The following LHFPL3 variants were observed in gnomAD, a reference collection of about 807,000 sequenced individuals.
LHFPL3 encodes LHFPL tetraspan subfamily member 3 protein.
In LHFPL3, 5 loss-of-function variants were observed where a neutral mutation model predicts 19.3. That is an observed-to-expected ratio of 0.26 (90% CI 0.14 to 0.54). LHFPL3 has a LOEUF of 0.54. Among genes scored for constraint, LHFPL3 ranks in the 20% least tolerant of loss-of-function variants. The pLI, the probability that LHFPL3 is intolerant of heterozygous loss-of-function variation, is 0.94. For synonymous variants in LHFPL3, 133 were observed against 126.2 expected, an observed-to-expected ratio of 1.05 and a Z score of -0.36; for missense variants, 249 against 307.4, an observed-to-expected ratio of 0.81 and a Z score of 1.42.
intron 1 of LHFPL3, among the ~76,000 whole-genome samples, chr7:104,484,118 TA>T (rs56173060): frequency 0.64 from 96,933 of 151,934 alleles, 31,465 homozygotes; most frequent in Middle Eastern, 0.72. Context: ...TTTGGAGACT[TA>T]TTACAATTCT....
intron 1 of LHFPL3, among the ~76,000 whole-genome samples, chr7:104,407,093 G>A (rs1442858382): frequency 6.6e-6 from 1 of 152,132 alleles, no homozygotes; most frequent in Non-Finnish European, 1.5e-5. Flanking sequence ...TTGAAGTGAA[G>A]ATTCAGTTAC....
chr7:104,684,834 G>A (rs1289756960), intron 1 of LHFPL3, among the ~76,000 whole-genome samples: 1 of 152,212 alleles, frequency 6.6e-6, no homozygotes. Flanking sequence ...CCACTGCTTA[G>A]ACAATCTTTA....
At chr7:104,770,710 C>A (rs1219039094) in intron 2 of LHFPL3, among the ~76,000 whole-genome samples, 7 of 152,172 alleles carry the variant, frequency 4.6e-5, no homozygotes, top group Admixed American at 4.6e-4. Flanking sequence ...AAAAGGAAAT[C>A]TCAGAATCCT....
intron 2 of LHFPL3, among the ~76,000 whole-genome samples, chr7:104,883,669 G>A (rs954026315): frequency 6.6e-6 from 1 of 152,206 alleles, no homozygotes; most frequent in South Asian, 2.1e-4. Flanking sequence ...GAAGCTGAGG[G>A]ACGTAGCACT....
chr7:104,709,165 C>A lies in LHFPL3; in HGVS notation c.446-27510C>A, dbSNP rs1020058735. Among the ~76,000 whole-genome samples, 3 of 151,750 alleles carry A rather than the reference C, an allele frequency of 2.0e-5. No homozygotes were observed. In the East Asian group the frequency reaches 5.8e-4, roughly 29 times the overall value. ...TGCTGCCAGTTATTTTTAGGGATGT[C>A]ATTTTTTTTTATTACTATCATAATT... On this transcript the variant is annotated intron_variant, in intron 1 of 2. Transcript: ENST00000424859.
At chr7:104,373,072 A>G (rs1332328588) in intron 1 of LHFPL3, among the ~76,000 whole-genome samples, 1 of 151,846 alleles carries the variant, frequency 6.6e-6, no homozygotes, top group Non-Finnish European at 1.5e-5. Context: ...AGAGATTCAT[A>G]ACACATATTA....
At chr7:104,623,672 A>C (rs186110609) in intron 1 of LHFPL3, among the ~76,000 whole-genome samples, 2 of 152,188 alleles carry the variant, frequency 1.3e-5, no homozygotes. Flanking sequence ...CAAATTTTCA[A>C]ACTTTTTCAA....
chr7:104,898,005 C>CTTTTTTTT (rs1562829485), intron 2 of LHFPL3, among the ~76,000 whole-genome samples: 2 of 71,294 alleles, frequency 2.8e-5, no homozygotes, highest in African/African-American at 5.9e-5. Flanking sequence ...AAATGTCACC[C>CTTTTTTTT]CTTTTTTTTT....
intron 1 of LHFPL3, among the ~76,000 whole-genome samples, chr7:104,608,422 C>A (rs1194232128): frequency 6.8e-6 from 1 of 146,198 alleles, no homozygotes; most frequent in East Asian, 2.0e-4. Context: ...CGCATGTTCT[C>A]ACTCATAGGT....
chr7:104,659,258 C>T (rs963897088), intron 1 of LHFPL3, among the ~76,000 whole-genome samples: 2 of 152,220 alleles, frequency 1.3e-5, no homozygotes, highest in Non-Finnish European at 2.9e-5. Context: ...ATGGCTAGTT[C>T]TGCACCTGTC....
intron 1 of LHFPL3, among the ~76,000 whole-genome samples, chr7:104,433,906 C>A (rs942306781): frequency 6.6e-6 from 1 of 152,112 alleles, no homozygotes; most frequent in Non-Finnish European, 1.5e-5. Context: ...AGGAGATGCT[C>A]AATAACATTG....
At chr7:104,615,568 G>A (rs1791316302) in intron 1 of LHFPL3, among the ~76,000 whole-genome samples, 1 of 152,142 alleles carries the variant, frequency 6.6e-6, no homozygotes, top group Non-Finnish European at 1.5e-5. Context: ...TACATGTGCA[G>A]AACGTGCAGG....
rs1352116113 is a variant in LHFPL3, at chr7:104,669,210, C to T, written c.446-67465C>T. On this transcript the variant is annotated intron_variant, in intron 1 of 2. Transcript: ENST00000424859. ...ATGCTTGGGTGAAGCGAAGTTCTAACCCTCCTGCTCGATCTCAGAGCTCAG... is the reference window on the plus strand; with the variant it reads ...ATGCTTGGGTGAAGCGAAGTTCTAATCCTCCTGCTCGATCTCAGAGCTCAG... The T allele has an allele frequency of 1.9e-5, 30 of 1,613,852 alleles. No homozygotes were observed. In the South Asian group the frequency reaches 3.1e-4, roughly 17 times the overall value.
At chr7:104,342,643 T>C (rs1435446703) in intron 1 of LHFPL3, among the ~76,000 whole-genome samples, 1 of 152,200 alleles carries the variant, frequency 6.6e-6, no homozygotes, top group African/African-American at 2.4e-5. Flanking sequence ...AGAAAGTTCT[T>C]TAAAGGAAAA....
At chr7:104,664,744 C>T (rs1200086239) in intron 1 of LHFPL3, among the ~76,000 whole-genome samples, 2 of 152,240 alleles carry the variant, frequency 1.3e-5, no homozygotes, top group Non-Finnish European at 2.9e-5. Context: ...TCAGAATCTT[C>T]TGTCTGACAT....
chr7:104,362,945 C>T (rs1425289873), intron 1 of LHFPL3, among the ~76,000 whole-genome samples: 1 of 152,058 alleles, frequency 6.6e-6, no homozygotes, highest in Non-Finnish European at 1.5e-5. Flanking sequence ...AATGCAGGGT[C>T]TGAAAAAAAT....
In LHFPL3 at chr7:104,399,920, A is replaced by G. The variant is rs1231326122; in HGVS notation, c.445+70696A>G. 6.6e-6 allele frequency among the ~76,000 whole-genome samples: 1 copy of G among 151,354 alleles called. No homozygotes were observed. The highest frequency in any genetic ancestry group is 2.0e-4 in the East Asian group (1 of 5,114). ...CGAGTTTGAGACCAGCCTGGCCAAC[A>G]TGGTTAAACCCTGTCTCTACTAAAA... On this transcript the variant is annotated intron_variant, in intron 1 of 2. Transcript: ENST00000424859. This position sits in a 1 kb window ranked among gnomAD's most constrained non-coding sequence, Gnocchi z 4.4.
chr7:104,460,235 T>G (rs1243808912), intron 1 of LHFPL3, among the ~76,000 whole-genome samples: 2 of 152,238 alleles, frequency 1.3e-5, no homozygotes, highest in African/African-American at 4.8e-5. Flanking sequence ...CACATTTTCT[T>G]TATCCATATG....
intron 2 of LHFPL3, among the ~76,000 whole-genome samples, chr7:104,776,206 A>G (rs1584528130): frequency 6.6e-6 from 1 of 152,348 alleles, no homozygotes; most frequent in East Asian, 1.9e-4. Flanking sequence ...CCAGGCTCCG[A>G]CTGAAATTAT....
Sources: gnomAD v4.1 joint callset for allele counts (sites outside exome capture counted in the v4.1 genomes callset) on GRCh38, gnomAD v4.1.1 for gene constraint, Gnocchi (gnomAD v3.1) non-coding constraint, MANE v1.5 for transcripts, NCBI Gene and HGNC (gene_info 2026-07-23, HGNC 2026-07-21) for gene names.